The following PLXDC2 variants were observed in gnomAD, a reference collection of about 807,000 sequenced individuals.
PLXDC2 encodes the protein plexin domain-containing protein 2.
Under a neutral mutation model 68.9 loss-of-function variants are expected in PLXDC2, and 40 were observed. That is an observed-to-expected ratio of 0.58 (90% CI 0.45 to 0.76). PLXDC2 has a LOEUF of 0.76. Ranked by LOEUF, PLXDC2 falls within the 30% of genes least tolerant of loss-of-function variation. PLXDC2 has a pLI of 0.00. For missense variants in PLXDC2, 644 were observed against 661.9 expected, an observed-to-expected ratio of 0.97 and a Z score of 0.30; for synonymous variants, 243 against 234.2, an observed-to-expected ratio of 1.04 and a Z score of -0.34.
intron 6 of PLXDC2, among the ~76,000 whole-genome samples, chr10:20,150,604 T>A (rs1001370057): frequency 5.3e-5 from 8 of 152,212 alleles, no homozygotes; most frequent in African/African-American, 1.9e-4. Context: ...ACAGTGACGT[T>A]TTGCAATGTT....
rs79241690 is a variant in PLXDC2 at position 19,914,355 on chromosome 10, A to T, written c.113-87420A>T. Among the ~76,000 whole-genome samples the T allele has an allele frequency of 1.7e-4, 26 of 152,310 alleles. No individual in the cohort carries two copies. In the East Asian group the frequency reaches 5.0e-3, roughly 29 times the overall value. ...CATTGGGATTCCACTTCATTACCAT[A>T]TGCAATCACTATATTCTGTCTCAGT... On this transcript the variant is annotated intron_variant, in intron 1 of 13. Transcript: ENST00000377252.
chr10:20,275,318 T>G (rs1313049981), intron 13 of PLXDC2, among the ~76,000 whole-genome samples: 1 of 152,096 alleles, frequency 6.6e-6, no homozygotes, highest in Non-Finnish European at 1.5e-5. Flanking sequence ...TGGGAGCCTG[T>G]GAGAAACACA....
intron 1 of PLXDC2, among the ~76,000 whole-genome samples, chr10:19,924,682 T>G (rs560918455): frequency 1.3e-5 from 2 of 152,280 alleles, no homozygotes; most frequent in Admixed American, 1.3e-4. Flanking sequence ...TGTAAATCAT[T>G]TGGAGGAGAT....
intron 1 of PLXDC2, among the ~76,000 whole-genome samples, chr10:19,900,805 C>A (rs902260216): frequency 6.6e-6 from 1 of 151,588 alleles, no homozygotes; most frequent in Non-Finnish European, 1.5e-5. Context: ...CCTTTTTATG[C>A]GTTTGTTTCC....
rs1206962331 is a variant in PLXDC2 at position 20,282,649 on chromosome 10, G to A, written c.*2830G>A. The A allele has an allele frequency of 6.6e-6, 1 of 152,114 alleles. No homozygotes were observed. Among genetic ancestry groups the A allele is most frequent in the Non-Finnish European group, 1.5e-5 (1 of 68,018 alleles). 9.4% of individuals were successfully genotyped at this position (152,114 alleles called of 1,614,324 possible). ...ACGCTAAGCTTATGGGAGTTATTTAGAGCCTACTGCTCAAGGTCATCACCA... is the reference window on the plus strand; with the variant it reads ...ACGCTAAGCTTATGGGAGTTATTTAAAGCCTACTGCTCAAGGTCATCACCA... On this transcript the variant is annotated 3_prime_UTR_variant, in exon 14 of 14. Coordinates refer to ENST00000377252, the MANE Select transcript of PLXDC2 (RefSeq NM_032812.9).
intron 6 of PLXDC2, 53 bp downstream of exon 6, chr10:20,147,955 C>T: frequency 8.0e-7 from 1 of 1,243,420 alleles, no homozygotes; most frequent in Non-Finnish European, 1.2e-6. Flanking sequence ...TGACTGCTGC[C>T]TTTCCTCCAA....
chr10:19,822,057 A>G (rs1014490765), intron 1 of PLXDC2, among the ~76,000 whole-genome samples: 5 of 151,908 alleles, frequency 3.3e-5, no homozygotes, highest in African/African-American at 7.2e-5. Flanking sequence ...ACTTAGCACA[A>G]TGTCCCCCAG....
At chr10:20,063,176 A>G (rs921086023) in intron 3 of PLXDC2, among the ~76,000 whole-genome samples, 1 of 152,196 alleles carries the variant, frequency 6.6e-6, no homozygotes, top group Non-Finnish European at 1.5e-5. Flanking sequence ...TCATTCTTGA[A>G]TAAGTGGATG....
Position 20,279,878 on chromosome 10 carries a change from C to G in PLXDC2, c.*59C>G. 7.1e-7 allele frequency: 1 copy of G among 1,411,914 alleles called. No homozygotes were observed. The highest frequency in any genetic ancestry group is 1.0e-6 in the Non-Finnish European group (1 of 1,001,314). The allele number at this position is 1,411,914 out of a possible 1,614,324, so 87.5% of individuals were successfully genotyped here. A position where few individuals can be genotyped will look rare whatever the true frequency, so the allele number is the denominator to read the frequency against. ...TACAGGTGTTAAGACTAAAATTTTG[C>G]CTATACCTTTAAGACAAACAAACAA... On this transcript the variant is annotated 3_prime_UTR_variant, in exon 14 of 14. Coordinates refer to ENST00000377252, the MANE Select transcript of PLXDC2 (RefSeq NM_032812.9).
intron 1 of PLXDC2, among the ~76,000 whole-genome samples, chr10:19,984,821 T>C (rs895511127): frequency 1.3e-5 from 2 of 152,254 alleles, no homozygotes; most frequent in East Asian, 3.9e-4. Flanking sequence ...AGGAACACCA[T>C]GTGATTTTAG....
intron 1 of PLXDC2, among the ~76,000 whole-genome samples, chr10:19,920,991 G>A (rs1833453282): frequency 6.6e-6 from 1 of 151,732 alleles, no homozygotes; most frequent in Non-Finnish European, 1.5e-5. Flanking sequence ...TCAGTGGCAT[G>A]ATCATAGCTC....
At chr10:20,095,176 T>A (rs1328886103) in intron 4 of PLXDC2, among the ~76,000 whole-genome samples, 1 of 152,200 alleles carries the variant, frequency 6.6e-6, no homozygotes, top group African/African-American at 2.4e-5. Context: ...ATTAATGGTA[T>A]AAGTTTTTTG....
rs374069880 is a variant in PLXDC2, at chr10:20,156,071, G to A, written c.783+8169G>A. 3.0e-4 allele frequency among the ~76,000 whole-genome samples: 45 copies of A among 151,772 alleles called. No individual in the cohort carries two copies. The East Asian group carries it at 6.0e-3, about 20-fold the overall frequency. ...ATTTTTTGTGTCTCCCCCAAACCCA[G>A]GGTGTAGACTTTCCTTAATCTCCTT... On this transcript the variant is annotated intron_variant, in intron 6 of 13. Coordinates refer to ENST00000377252, the MANE Select transcript of PLXDC2 (RefSeq NM_032812.9).
At chr10:19,834,446 T>C (rs1449619190) in intron 1 of PLXDC2, among the ~76,000 whole-genome samples, 1 of 152,020 alleles carries the variant, frequency 6.6e-6, no homozygotes. Context: ...AGAAAACTGC[T>C]CAAGAAAGAG....
intron 9 of PLXDC2, among the ~76,000 whole-genome samples, chr10:20,207,664 C>G (rs1159095135): frequency 6.6e-6 from 1 of 152,136 alleles, no homozygotes; most frequent in African/African-American, 2.4e-5. Flanking sequence ...TAGGAGGGAG[C>G]ACTCATCTAA....
At chr10:20,262,616 G>T (rs1307857223) in intron 13 of PLXDC2, among the ~76,000 whole-genome samples, 2 of 152,204 alleles carry the variant, frequency 1.3e-5, no homozygotes, top group African/African-American at 4.8e-5. Flanking sequence ...CAAAACGAAG[G>T]CCAGACTGCT....
chr10:20,217,611 T>A, intron 11 of PLXDC2, 35 bp downstream of exon 11: 1 of 1,524,690 alleles, frequency 6.6e-7, no homozygotes, highest in Non-Finnish European at 8.8e-7. Flanking sequence ...TTTTTTTTTT[T>A]TTTTTTTTTT....
intron 1 of PLXDC2, among the ~76,000 whole-genome samples, chr10:19,889,254 C>G (rs1301460003): frequency 2.6e-5 from 4 of 151,428 alleles, no homozygotes; most frequent in Non-Finnish European, 5.9e-5. Flanking sequence ...ATGACAAGCT[C>G]TGTCTCTTCT....
Position 20,227,269 on chromosome 10 carries a change from G to A in PLXDC2, c.1312+8167G>A, listed in dbSNP as rs374240870. The stretch of plus-strand genomic sequence containing the variant: ...TGGCCTAAGGGGATGACATAGAGAA[G>A]TAAATTGATATTTACGTATAGTGTG... On this transcript the variant is annotated intron_variant, in intron 12 of 13. Transcript: ENST00000377252. Among the ~76,000 whole-genome samples the A allele has an allele frequency of 5.3e-5, 8 of 152,222 alleles. No individual in the cohort carries two copies. The South Asian group carries it at 8.3e-4, about 16-fold the overall frequency.
Sources: gnomAD v4.1 joint callset for allele counts (sites outside exome capture counted in the v4.1 genomes callset) on GRCh38, gnomAD v4.1.1 for gene constraint, MANE v1.5 for transcripts, NCBI Gene and HGNC (gene_info 2026-07-23, HGNC 2026-07-21) for gene names.